Variants in GGNBP2 observed in about 807,000 individuals in gnomAD.
GGNBP2 encodes gametogenetin binding protein 2, also known as gametogenetin-binding protein 2.
Under a neutral mutation model 85.9 loss-of-function variants are expected in GGNBP2, and 10 were observed. The observed-to-expected ratio is 0.12, with a 90% confidence interval of 0.07 to 0.20. GGNBP2 has a LOEUF of 0.20. Ranked by LOEUF, GGNBP2 falls within the 10% of genes least tolerant of loss-of-function variation. The pLI, the probability that GGNBP2 is intolerant of heterozygous loss-of-function variation, is 1.00. For synonymous variants in GGNBP2, 287 were observed against 285.7 expected (o/e 1.00, Z -0.05); for missense variants, 595 against 857.8 (o/e 0.69, Z 3.83).
chr17:36,559,154 C>T (rs1331980366), intron 4 of GGNBP2, among the ~76,000 whole-genome samples: 2 of 151,328 alleles, frequency 1.3e-5, no homozygotes, highest in African/African-American at 4.9e-5. Context: ...AAAAAATTAG[C>T]CGGGCGTGGT....
intron 10 of GGNBP2, 39 bp downstream of exon 10, chr17:36,585,489 C>T (rs763136633): frequency 1.4e-6 from 2 of 1,380,946 alleles, no homozygotes; most frequent in East Asian, 2.3e-5. Context: ...ACTCTTAACT[C>T]TATTCTTTCT....
intron 6 of GGNBP2, among the ~76,000 whole-genome samples, chr17:36,573,548 A>T (rs2142753894): frequency 6.6e-6 from 1 of 152,246 alleles, no homozygotes; most frequent in South Asian, 2.1e-4. Flanking sequence ...ATATACCTAG[A>T]AGTGGGATTC....
intron 8 of GGNBP2, among the ~76,000 whole-genome samples, chr17:36,579,901 T>G (rs1212740249): frequency 6.6e-6 from 1 of 151,942 alleles, no homozygotes; most frequent in African/African-American, 2.4e-5. Context: ...ATCCAGCTAC[T>G]TGGGAGGCTG....
At chr17:36,587,283 TG>T in intron 13 of GGNBP2, 38 bp downstream of exon 13, 1 of 1,606,112 alleles carries the variant, frequency 6.2e-7, no homozygotes, top group Non-Finnish European at 8.5e-7. Flanking sequence ...CATAACTGTT[TG>T]GGAACGGGGT....
At chr17:36,566,374 A>G (rs543860469) in intron 5 of GGNBP2, among the ~76,000 whole-genome samples, 3 of 152,280 alleles carry the variant, frequency 2.0e-5, no homozygotes, top group Non-Finnish European at 4.4e-5. Context: ...AAAAAATTGT[A>G]TAGGGCTGGG....
chr17:36,567,353 T>A (rs899097365), intron 5 of GGNBP2, among the ~76,000 whole-genome samples: 41 of 152,350 alleles, frequency 2.7e-4, no homozygotes, highest in African/African-American at 9.1e-4. Flanking sequence ...TCTAATATCT[T>A]AATCATTAAA....
intron 2 of GGNBP2, chr17:36,546,121 G>A: frequency 2.3e-6 from 1 of 431,814 alleles, no homozygotes; most frequent in Non-Finnish European, 4.1e-6. Context: ...ATCTCAGAGA[G>A]GGGTTGAAGG....
Position 36,589,449 on chromosome 17 carries a change from C to G in GGNBP2, c.*38C>G, listed in dbSNP as rs372937975. Reference sequence around the variant, plus strand: ...GCTCTGTCTTTCAATGAAACACTCACGATGACTACTGCGCCTTCTCTTTCG... The same window carrying G: ...GCTCTGTCTTTCAATGAAACACTCAGGATGACTACTGCGCCTTCTCTTTCG... On this transcript the variant is annotated 3_prime_UTR_variant, in exon 14 of 14. Transcript: ENST00000613102. 8.8e-6 allele frequency: 13 copies of G among 1,475,462 alleles called. No homozygotes were observed. Among genetic ancestry groups the G allele is most frequent in the East Asian group, 2.3e-5 (1 of 44,250 alleles). 91.4% of individuals were successfully genotyped at this position (1,475,462 alleles called of 1,614,324 possible). A position where few individuals can be genotyped will look rare whatever the true frequency, so the allele number is the denominator to read the frequency against.
intron 6 of GGNBP2, among the ~76,000 whole-genome samples, chr17:36,573,595 G>A (rs1386409848): frequency 1.3e-5 from 2 of 152,128 alleles, no homozygotes; most frequent in South Asian, 2.1e-4. Flanking sequence ...AAGAACTTCC[G>A]TACCGGTTTC....
chr17:36,559,296 C>CAAAAAAAA (rs892895973), intron 4 of GGNBP2, among the ~76,000 whole-genome samples: 1 of 31,494 alleles, frequency 3.2e-5, no homozygotes, highest in Non-Finnish European at 7.1e-5. Flanking sequence ...GACTCTGTCT[C>CAAAAAAAA]AAAAAAAAAA....
intron 2 of GGNBP2, among the ~76,000 whole-genome samples, chr17:36,548,652 A>AAAAAAAG (rs2074278350): frequency 7.4e-6 from 1 of 135,222 alleles, no homozygotes. Flanking sequence ...AAAAAAAAAA[A>AAAAAAAG]GTAGCCTTAG....
chr17:36,556,024 G>A (rs1429870092), intron 3 of GGNBP2, among the ~76,000 whole-genome samples: 2 of 152,196 alleles, frequency 1.3e-5, no homozygotes, highest in Non-Finnish European at 2.9e-5. Context: ...GAATGGAAGG[G>A]TAATGGTAAA....
chr17:36,548,939 C>G (rs536017910), intron 2 of GGNBP2, among the ~76,000 whole-genome samples: 2 of 151,294 alleles, frequency 1.3e-5, no homozygotes, highest in Admixed American at 1.3e-4. Context: ...AGTGAAACTC[C>G]GTTTCAAAAA....
At chr17:36,547,473 C>T (rs924809393) in intron 2 of GGNBP2, 3 of 152,170 alleles carry the variant, frequency 2.0e-5, no homozygotes, top group African/African-American at 7.2e-5. Context: ...CTTCAAAAGA[C>T]ACTAGTTCTT....
chr17:36,585,208 C>G, intron 9 of GGNBP2, 92 bp from the exon 10 acceptor site: 1 of 1,084,142 alleles, frequency 9.2e-7, no homozygotes, highest in South Asian at 1.4e-5. Context: ...CCACATCTTA[C>G]TATTAGGATG....
intron 6 of GGNBP2, chr17:36,574,656 AG>A: frequency 1.7e-6 from 1 of 596,616 alleles, no homozygotes; most frequent in Non-Finnish European, 3.0e-6. Flanking sequence ...GCGGCAGTGT[AG>A]CCCCTGGCTA....
At chr17:36,553,835 A>G (rs767192034) in intron 2 of GGNBP2, among the ~76,000 whole-genome samples, 1 of 152,206 alleles carries the variant, frequency 6.6e-6, no homozygotes, top group African/African-American at 2.4e-5. Context: ...GTAGTGATAC[A>G]TAACTATGGT....
At chr17:36,553,692 T>G (rs1038833180) in intron 2 of GGNBP2, among the ~76,000 whole-genome samples, 1 of 152,248 alleles carries the variant, frequency 6.6e-6, no homozygotes, top group African/African-American at 2.4e-5. Flanking sequence ...TGTTTGATCT[T>G]TAACAATGTT....
intron 6 of GGNBP2, among the ~76,000 whole-genome samples, chr17:36,573,310 A>C (rs149113936): frequency 0.071 from 10,841 of 152,050 alleles, 659 homozygotes; most frequent in African/African-American, 0.16. Flanking sequence ...ACAGGGTTTC[A>C]CCTTGTTGGT....
Sources: gnomAD v4.1 joint callset for allele counts (sites outside exome capture counted in the v4.1 genomes callset) on GRCh38, gnomAD v4.1.1 for gene constraint, MANE v1.5 for transcripts, NCBI Gene and HGNC (gene_info 2026-07-23, HGNC 2026-07-21) for gene names.